COL13A1: variants seen among roughly 807,000 people sequenced by gnomAD.
COL13A1 encodes the protein collagen type XIII alpha 1 chain, also known as collagen alpha-1(XIII) chain.
In COL13A1, 89 loss-of-function variants were observed where a neutral mutation model predicts 130.9. The observed-to-expected ratio is 0.68, with a 90% CI of 0.57 to 0.81. The LOEUF (loss-of-function observed/expected upper bound fraction) is 0.81. COL13A1 is among the 30% of genes least tolerant of loss of function. The pLI is 0.00. For missense variants in COL13A1, 879 were observed against 934.6 expected (o/e 0.94, Z 0.78); for synonymous variants, 402 against 341.6 (o/e 1.18, Z -1.95).
intron 2 of COL13A1, among the ~76,000 whole-genome samples, chr10:69,837,285 T>A (rs1224498423): frequency 6.6e-6 from 1 of 152,172 alleles, no homozygotes; most frequent in Admixed American, 6.5e-5. Context: ...GATTGGTGGG[T>A]CTCTGTACGG....
chr10:69,959,127 G>A lies in COL13A1; in HGVS notation c.*426G>A, dbSNP rs1299681002. On this transcript the variant is annotated 3_prime_UTR_variant, in exon 41 of 41. Transcript: ENST00000645393. ...ACCCTTATGGATTTTCATTATTAAA[G>A]GAAATGAAACATGGCAATTCATGAT... 2 of 158,736 alleles carry A rather than the reference G, an allele frequency of 1.3e-5. No homozygotes were observed. Among genetic ancestry groups the A allele is most frequent in the Admixed American group, 1.3e-4 (2 of 15,582 alleles). The allele number at this position is 158,736 out of a possible 1,614,324, so 9.8% of individuals were successfully genotyped here. A position where few individuals can be genotyped will look rare whatever the true frequency, so the allele number is the denominator to read the frequency against.
intron 7 of COL13A1, among the ~76,000 whole-genome samples, chr10:69,881,552 C>A (rs1015265827): frequency 6.6e-6 from 1 of 152,062 alleles, no homozygotes; most frequent in Non-Finnish European, 1.5e-5. Context: ...GGGGTTGTGG[C>A]GAGTGCAGGG....
intron 18 of COL13A1, 116 bp downstream of exon 18, chr10:69,917,449 C>G: frequency 1.1e-6 from 1 of 903,404 alleles, no homozygotes; most frequent in South Asian, 1.7e-5. Flanking sequence ...CCTCCTTCTG[C>G]CTGCCCTGGT....
At chr10:69,867,124 C>A (rs753420065) in intron 2 of COL13A1, among the ~76,000 whole-genome samples, 1 of 152,098 alleles carries the variant, frequency 6.6e-6, no homozygotes, top group Non-Finnish European at 1.5e-5. Context: ...GCTGCTGCTG[C>A]GGCCGTGGGA....
intron 2 of COL13A1, among the ~76,000 whole-genome samples, chr10:69,823,584 TC>T: frequency 6.6e-6 from 1 of 152,024 alleles, no homozygotes; most frequent in East Asian, 1.9e-4. Flanking sequence ...CTCACCCAGG[TC>T]CCCAAGCCAG....
At chr10:69,813,012 G>A (rs1382866270) in intron 1 of COL13A1, among the ~76,000 whole-genome samples, 2 of 152,256 alleles carry the variant, frequency 1.3e-5, no homozygotes, top group Non-Finnish European at 2.9e-5. Context: ...TGTGTGGTTT[G>A]TAGGCTCTTC....
chr10:69,811,424 A>G (rs1456980537), intron 1 of COL13A1, among the ~76,000 whole-genome samples: 1 of 152,184 alleles, frequency 6.6e-6, no homozygotes, highest in Non-Finnish European at 1.5e-5. Flanking sequence ...CAGGTCAGAA[A>G]GGGTGACCTC....
At chr10:69,849,711 G>T (rs1465176478) in intron 2 of COL13A1, among the ~76,000 whole-genome samples, 1 of 152,098 alleles carries the variant, frequency 6.6e-6, no homozygotes, top group Non-Finnish European at 1.5e-5. Context: ...TGTGCCCAGC[G>T]CAGACCTCTG....
intron 2 of COL13A1, among the ~76,000 whole-genome samples, chr10:69,852,249 A>G (rs1244012722): frequency 6.6e-6 from 1 of 152,210 alleles, no homozygotes; most frequent in Non-Finnish European, 1.5e-5. Flanking sequence ...AGCAGTCATC[A>G]GTGTGTAAAT....
intron 37 of COL13A1, among the ~76,000 whole-genome samples, chr10:69,946,093 A>G (rs977741592): frequency 7.7e-6 from 1 of 129,482 alleles, no homozygotes; most frequent in African/African-American, 3.0e-5. Flanking sequence ...CACAAACCAA[A>G]AAAAAAAAAA....
chr10:69,876,783 A>G (rs1343886021), intron 5 of COL13A1, among the ~76,000 whole-genome samples: 1 of 152,192 alleles, frequency 6.6e-6, no homozygotes. Context: ...TGCACCCAAA[A>G]TAGGGTGGAG....
chr10:69,897,337 C>T (rs1480752221), intron 13 of COL13A1: 8 of 827,044 alleles, frequency 9.7e-6, no homozygotes, highest in Middle Eastern at 2.9e-4. Context: ...TCCAGGTGGC[C>T]CCTCCTCCAT....
chr10:69,883,541 T>C (rs1199947124), intron 7 of COL13A1, among the ~76,000 whole-genome samples: 1 of 152,214 alleles, frequency 6.6e-6, no homozygotes, highest in African/African-American at 2.4e-5. Flanking sequence ...CATGATCTAG[T>C]GGGTGACACC....
chr10:69,932,664 T>C (rs375188586), intron 31 of COL13A1, 60 bp downstream of exon 31: 9 of 1,123,262 alleles, frequency 8.0e-6, no homozygotes, highest in Non-Finnish European at 1.2e-5. Flanking sequence ...GCATGCACAG[T>C]ATTTCTGTGC....
At chr10:69,839,759 A>G (rs1312298067) in intron 2 of COL13A1, among the ~76,000 whole-genome samples, 1 of 151,086 alleles carries the variant, frequency 6.6e-6, no homozygotes, top group African/African-American at 2.4e-5. Context: ...GAGAAAGGTC[A>G]GAGTGTGGCC....
In COL13A1 at chr10:69,898,697, C is replaced by A. The variant is rs772138082; in HGVS notation, c.685C>A (p.Leu229Met). The change falls in exon 14 of 41, where the codon CTG becomes ATG. Residue 229 changes from leucine to methionine, a missense_variant and splice_region_variant. Physicochemically the swap from Leu to Met is conservative, Grantham distance 15 (BLOSUM62 2). Coordinates refer to ENST00000645393, the MANE Select transcript of COL13A1 (RefSeq NM_001368882.1). ...CCCTCCAACTCATCTTTCTCCTCAG[C>A]TGCTGCCTCTCCTCAATTCAGTGCG... ...KGQCGEYPHR[L>M]LPLLNSVRLA... The A allele has an allele frequency of 6.2e-7, 1 of 1,613,192 alleles. No individual in the cohort carries two copies.
At chr10:69,813,525 G>A (rs965817376) in intron 1 of COL13A1, among the ~76,000 whole-genome samples, 13 of 152,134 alleles carry the variant, frequency 8.5e-5, no homozygotes, top group East Asian at 3.9e-4. Context: ...TGGAGGACCC[G>A]CAGGCCCCTG....
chr10:69,859,637 A>G lies in COL13A1; in HGVS notation c.365-8161A>G, dbSNP rs78120276. Among the ~76,000 whole-genome samples the G allele has an allele frequency of 1.3e-3, 192 of 152,304 alleles. 4 individuals carry two copies. The East Asian group carries it at 0.035, about 28-fold the overall frequency. On this transcript the variant is annotated intron_variant, in intron 2 of 40. Transcript: ENST00000645393. ...CTTCAGGGACCTGAGTGACCCCTCA[A>G]TGGAAGAAAGCAGCCCTGGCTTGGG...
At chr10:69,948,155 G>C (rs900090022) in intron 38 of COL13A1, among the ~76,000 whole-genome samples, 3 of 152,252 alleles carry the variant, frequency 2.0e-5, no homozygotes, top group Admixed American at 6.5e-5. Flanking sequence ...GCTTAGAGGA[G>C]AAGGAACAGA....
Sources: allele counts gnomAD v4.1 joint callset (sites outside exome capture counted in the v4.1 genomes callset), GRCh38; gene constraint gnomAD v4.1.1; transcripts MANE v1.5; gene names NCBI Gene and HGNC (gene_info 2026-07-23, HGNC 2026-07-21).